DOCK10: variants seen among roughly 807,000 people sequenced by gnomAD.
The protein encoded by DOCK10 is dedicator of cytokinesis protein 10.
In DOCK10, 145 loss-of-function variants were observed where a neutral mutation model predicts 280.1. The ratio of observed to expected loss-of-function variants is 0.52; its 90% CI spans 0.45 to 0.59. The LOEUF (loss-of-function observed/expected upper bound fraction) is 0.59. DOCK10 is among the 20% of genes least tolerant of loss of function. The probability of loss-of-function intolerance (pLI) is 0.00; values close to 1 mark genes in which losing one functional copy is unlikely to be tolerated. For synonymous variants in DOCK10, 915 were observed against 942.2 expected, an observed-to-expected ratio of 0.97 and a Z score of 0.53; for missense variants, 2,368 against 2,651.7, an observed-to-expected ratio of 0.89 and a Z score of 2.35.
intron 1 of DOCK10, among the ~76,000 whole-genome samples, chr2:225,035,472 A>AT (rs11462616): frequency 0.16 from 22,513 of 138,276 alleles, 2,648 homozygotes; most frequent in Middle Eastern, 0.37. Context: ...TGATATCACC[A>AT]TTTTTTTTAA....
intron 47 of DOCK10, among the ~76,000 whole-genome samples, chr2:224,789,693 C>T (rs955138963): frequency 1.3e-5 from 2 of 152,014 alleles, no homozygotes; most frequent in Non-Finnish European, 2.9e-5. Context: ...TGAGCTATCA[C>T]CATGCCATTG....
intron 3 of DOCK10, among the ~76,000 whole-genome samples, chr2:224,900,010 A>T (rs995567595): frequency 3.9e-5 from 6 of 152,106 alleles, no homozygotes; most frequent in Admixed American, 3.3e-4. Flanking sequence ...ACAATATTGG[A>T]CTGGATTAGA....
At chr2:224,977,929 G>A (rs1458758557) in intron 1 of DOCK10, among the ~76,000 whole-genome samples, 2 of 152,208 alleles carry the variant, frequency 1.3e-5, no homozygotes, top group Non-Finnish European at 1.5e-5. Flanking sequence ...AAAGCCTTCT[G>A]AAGGGTATCA....
chr2:224,921,221 G>A (rs1332651917), intron 2 of DOCK10, among the ~76,000 whole-genome samples: 1 of 146,648 alleles, frequency 6.8e-6, no homozygotes, highest in Non-Finnish European at 1.5e-5. Context: ...AGAATCACTC[G>A]AACCTGGGAG....
Position 224,876,075 on chromosome 2 carries a change from T to G in DOCK10, c.894A>C (p.Gln298His), listed in dbSNP as rs1329692909. 6.2e-7 allele frequency: 1 copy of G among 1,613,838 alleles called. No homozygotes were observed. The part of the protein sequence containing the change: ...ILQISPEGPL[Q>H]GRRSTELTDL... ...CAGTGAGCTCTGTGCTCCTCCTCCC[T>G]TGGAGGGGCCCCTCAGGACTGATTT... The change falls in exon 8 of 56, where the codon CAA becomes CAC. Residue 298 changes from glutamine (Q) to histidine (H), a missense_variant. By Grantham distance (24) the Gln-to-His change is conservative (BLOSUM62 0). Around this residue, in one of 2 missense-constraint regions of DOCK10, gnomAD observed 1,209 missense variants for 1,250.9 expected, o/e 0.97. Transcript: ENST00000258390.
rs1401354466 is a variant in DOCK10 at position 225,005,805 on chromosome 2, A to G, written c.123+36447T>C. 1.4e-4 allele frequency among the ~76,000 whole-genome samples: 21 copies of G among 152,212 alleles called. 1 individual carries two copies. The highest frequency in any genetic ancestry group is 1.3e-3 in the Admixed American group (20 of 15,268). On this transcript the variant is annotated intron_variant, in intron 1 of 55. Transcript: ENST00000258390. Reference sequence around the variant, plus strand: ...AAATTGAGACTTTATCCTCAGTGTAATCTGAAGTTTGAAAGATAACTGAAA... The same window carrying G: ...AAATTGAGACTTTATCCTCAGTGTAGTCTGAAGTTTGAAAGATAACTGAAA...
At chr2:224,887,873 T>G (rs947891474) in intron 4 of DOCK10, among the ~76,000 whole-genome samples, 15 of 152,220 alleles carry the variant, frequency 9.9e-5, no homozygotes, top group African/African-American at 3.6e-4. Context: ...TGTTGTACAT[T>G]AGCTCTCTAG....
chr2:224,842,757 G>T (rs1223382719), intron 22 of DOCK10, among the ~76,000 whole-genome samples: 2 of 152,240 alleles, frequency 1.3e-5, no homozygotes, highest in Non-Finnish European at 2.9e-5. Flanking sequence ...GGAGGACAGA[G>T]CAGAGGGCAA....
At chr2:225,016,488 T>G (rs886533546) in intron 1 of DOCK10, among the ~76,000 whole-genome samples, 5 of 150,230 alleles carry the variant, frequency 3.3e-5, no homozygotes, top group South Asian at 2.1e-4. Context: ...CAATTCCTCT[T>G]ATATATGTGT....
At chr2:224,878,408 G>A (rs1413206533) in intron 7 of DOCK10, among the ~76,000 whole-genome samples, 1 of 152,176 alleles carries the variant, frequency 6.6e-6, no homozygotes, top group African/African-American at 2.4e-5. Flanking sequence ...GGTAGAGAAG[G>A]GAAAATAAGC....
intron 43 of DOCK10, 76 bp downstream of exon 43, chr2:224,796,888 G>A: frequency 7.3e-7 from 1 of 1,378,872 alleles, no homozygotes; most frequent in Non-Finnish European, 1.0e-6. Context: ...TTGCCCTGAG[G>A]ACAGTAGGCT....
rs191786216 is a variant in DOCK10, at chr2:224,773,147, G to A, written c.6204+10C>T. On this transcript the variant is annotated intron_variant, in intron 53 of 55. Coordinates refer to ENST00000258390, the MANE Select transcript of DOCK10 (RefSeq NM_014689.3). ...CATGTGCATCTCAGCCCTGGGCAAT[G>A]CTTACTCACCTTCACGCTGACACTT... is the stretch of plus-strand genomic sequence containing the variant. 3.7e-4 allele frequency: 596 copies of A among 1,601,406 alleles called. 2 individuals carry two copies. The highest frequency in any genetic ancestry group is 2.4e-3 in the Admixed American group (144 of 59,666).
At chr2:224,793,648 TTTTG>T (rs1692362511) in intron 45 of DOCK10, among the ~76,000 whole-genome samples, 191 bp from the exon 46 acceptor site, 2 of 152,314 alleles carry the variant, frequency 1.3e-5, no homozygotes, top group South Asian at 2.1e-4. Context: ...ATATTTGGGT[TTTTG>T]TTTGTTTGTT....
At position 224,797,106 on chromosome 2, in the gene DOCK10, C is replaced by T; in HGVS notation, c.4685G>A (p.Gly1562Glu). ...TTTTAGGACTTCGTAACAGAATGATCCACAGAGGTCAGCAGGCCCTTGAAA... is the reference window on the plus strand; with the variant it reads ...TTTTAGGACTTCGTAACAGAATGATTCACAGAGGTCAGCAGGCCCTTGAAA... ...AFFQGPADLCGSFCYEVLKCC... is the reference protein window; with the variant it reads ...AFFQGPADLCESFCYEVLKCC... The change falls in exon 43 of 56, where the codon GGA becomes GAA. Residue 1562 changes from glycine (G) to glutamate (E), a missense_variant. Physicochemically the swap from Gly to Glu is moderately conservative, Grantham distance 98. Around this residue, in one of 2 missense-constraint regions of DOCK10, gnomAD observed 1,159 missense variants for 1,400.8 expected, o/e 0.83. Coordinates refer to ENST00000258390, the MANE Select transcript of DOCK10 (RefSeq NM_014689.3). 6.2e-7 allele frequency: 1 copy of T among 1,612,842 alleles called. No individual in the cohort carries two copies. Among genetic ancestry groups the T allele is most frequent in the Non-Finnish European group, 8.5e-7 (1 of 1,179,380 alleles).
At position 224,805,666 on chromosome 2, in the gene DOCK10, T is replaced by C. The variant is rs937140676; in HGVS notation, c.3815-137A>G. On this transcript the variant is annotated intron_variant, in intron 34 of 55. Coordinates refer to ENST00000258390, the MANE Select transcript of DOCK10 (RefSeq NM_014689.3). This position sits in a 1 kb window ranked among gnomAD's most constrained non-coding sequence, Gnocchi z 4.3. ...TGTCAAAGACCAACATAACAGCGTC[T>C]GGGATTGGCATTAAAGCCAGCTCTT... 1.2e-5 allele frequency: 14 copies of C among 1,147,916 alleles called. No individual in the cohort carries two copies. The African/African-American group carries it at 2.0e-4, about 17-fold the overall frequency. The allele number at this position is 1,147,916 out of a possible 1,614,324, so 71.1% of individuals were successfully genotyped here. A position where few individuals can be genotyped will look rare whatever the true frequency, so the allele number is the denominator to read the frequency against.
At position 224,886,886 on chromosome 2, in the gene DOCK10, A is replaced by ACCCCC. The variant is rs879598680; in HGVS notation, c.417-356_417-355insGGGGG. On this transcript the variant is annotated intron_variant, in intron 4 of 55. Coordinates refer to ENST00000258390, the MANE Select transcript of DOCK10 (RefSeq NM_014689.3). ...TCTCATGCTGCATGCAGCACCCCCA[A>ACCCCC]CACCCCCCCAAGTAGTACCTGGGAT... Among the ~76,000 whole-genome samples, 451 of 134,996 alleles carry ACCCCC rather than the reference A, an allele frequency of 3.3e-3. 13 individuals carry two copies. The highest frequency in any genetic ancestry group is 0.013 in the African/African-American group (410 of 32,742). 88.6% of individuals were successfully genotyped at this position (134,996 alleles called of 152,430 possible).
chr2:224,796,363 A>C lies in DOCK10; in HGVS notation c.4891T>G (p.Ser1631Ala), dbSNP rs910558091. The change falls in exon 44 of 56, where the codon TCG becomes GCG. Residue 1631 changes from serine (S) to alanine (A), a missense_variant. This residue lies in a region of DOCK10 where 1,159 missense variants were observed against 1,400.8 expected (regional missense o/e 0.83). Transcript: ENST00000258390. ...AGIGGSRFQH[S>A]LAITNNFANG... is the part of the protein sequence containing the mutation. ...GCGAAATTATTGGTAATTGCAAGCG[A>C]ATGTTGAAACCGAGAGCCTCCAATC... 1.9e-5 allele frequency: 30 copies of C among 1,575,024 alleles called. No individual in the cohort carries two copies. In the Admixed American group the frequency reaches 3.1e-4, roughly 16 times the overall value.
At chr2:224,844,470 T>G (rs1166074136) in intron 22 of DOCK10, among the ~76,000 whole-genome samples, 1 of 152,158 alleles carries the variant, frequency 6.6e-6, no homozygotes, top group Non-Finnish European at 1.5e-5. Context: ...ATGAGTGTGG[T>G]CAGTGGAAGC....
chr2:224,943,787 A>G (rs1269094578), intron 1 of DOCK10, among the ~76,000 whole-genome samples: 2 of 125,006 alleles, frequency 1.6e-5, no homozygotes, highest in Non-Finnish European at 3.2e-5. Flanking sequence ...TTTTTGAGTC[A>G]GAGTCTTGCT....
Sources: allele counts gnomAD v4.1 joint callset (sites outside exome capture counted in the v4.1 genomes callset), GRCh38; gene constraint gnomAD v4.1.1; regional missense constraint gnomAD v4.1.1; non-coding constraint Gnocchi (gnomAD v3.1); transcripts MANE v1.5; gene names NCBI Gene and HGNC (gene_info 2026-07-23, HGNC 2026-07-21).